Variants in PCDH11Y observed in about 807,000 individuals in gnomAD.
PCDH11Y encodes the protein protocadherin-11 Y-linked.
For synonymous variants in PCDH11Y, 9 were observed against 83.6 expected (o/e 0.11, Z 4.87); for missense variants, 12 against 224.8 (o/e 0.05, Z 6.05).
intron 1 of PCDH11Y, among the ~76,000 whole-genome samples, chrY:5,069,466 A>G: frequency 1.2e-4 from 4 of 33,274 alleles, no homozygotes; most frequent in Non-Finnish European, 2.2e-4. Flanking sequence ...TTTTCTACAC[A>G]TATTTCCCTA....
intron 3 of PCDH11Y, among the ~76,000 whole-genome samples, chrY:5,532,339 T>G: frequency 3.3e-5 from 1 of 30,537 alleles, no homozygotes; most frequent in Admixed American, 3.0e-4. Flanking sequence ...ATTAATATAG[T>G]CATTTCAACT....
chrY:5,337,740 G>A, intron 2 of PCDH11Y: 1 of 366,545 alleles, frequency 2.7e-6, no homozygotes, highest in Non-Finnish European at 3.7e-6. Context: ...CGGCAGGACA[G>A]CCCCTCAGAT....
intron 3 of PCDH11Y, among the ~76,000 whole-genome samples, chrY:5,043,448 C>G: frequency 3.0e-5 from 1 of 33,362 alleles, no homozygotes; most frequent in Non-Finnish European, 7.4e-5. Context: ...GCCTTGCATC[C>G]TAGGGATGAA....
At chrY:5,730,152 T>C in intron 4 of PCDH11Y, among the ~76,000 whole-genome samples, 1 of 32,944 alleles carries the variant, frequency 3.0e-5, no homozygotes, top group Non-Finnish European at 7.5e-5. Flanking sequence ...TTTTTTCAAA[T>C]TCTGGAAAAA....
intron 2 of PCDH11Y, among the ~76,000 whole-genome samples, chrY:5,241,983 C>G: frequency 3.3e-5 from 1 of 30,068 alleles, no homozygotes; most frequent in African/African-American, 1.3e-4. Context: ...GGCACGGTGG[C>G]TCACCCCTGT....
chrY:5,320,660 G>A (rs1602903914), intron 2 of PCDH11Y, among the ~76,000 whole-genome samples: 1 of 33,616 alleles, frequency 3.0e-5, no homozygotes, highest in East Asian at 7.9e-4. Context: ...GGGCATCAAA[G>A]ACACGATGTT....
intron 2 of PCDH11Y, among the ~76,000 whole-genome samples, chrY:5,290,350 A>G: frequency 3.4e-5 from 1 of 29,430 alleles, no homozygotes; most frequent in Non-Finnish European, 8.1e-5. Flanking sequence ...CTGATTATGA[A>G]TCTCTTGTCA....
chrY:5,177,883 T>C, intron 2 of PCDH11Y, among the ~76,000 whole-genome samples: 1 of 33,066 alleles, frequency 3.0e-5, no homozygotes, highest in African/African-American at 1.2e-4. Flanking sequence ...GGATAAATGC[T>C]TGGAAGGATG....
upstream of PCDH11Y, chrY:5,055,947 C>G (rs2124627776): frequency 3.3e-5 from 1 of 30,577 alleles, no homozygotes; most frequent in East Asian, 8.7e-4. Context: ...ATGTGAAAAC[C>G]CATTTTTATA....
At chrY:5,001,868 A>C in intron 1 of PCDH11Y, among the ~76,000 whole-genome samples, 1 of 33,417 alleles carries the variant, frequency 3.0e-5, no homozygotes, top group East Asian at 8.2e-4. Flanking sequence ...CTTCAGAATG[A>C]TTTATTCCGC....
At chrY:5,367,696 C>G (rs2053182480) in intron 2 of PCDH11Y, among the ~76,000 whole-genome samples, 1 of 27,705 alleles carries the variant, frequency 3.6e-5, no homozygotes, top group Non-Finnish European at 8.4e-5. Flanking sequence ...TGGTTCTAAT[C>G]TTTATTGAAA....
intron 3 of PCDH11Y, among the ~76,000 whole-genome samples, chrY:5,575,262 G>C: frequency 6.3e-5 from 2 of 31,513 alleles, no homozygotes; most frequent in African/African-American, 2.5e-4. Context: ...CCACAGAAGG[G>C]GGGGAAATAT....
At position 5,205,688 on chromosome Y, in the gene PCDH11Y, C is replaced by A. The variant is rs1488084875; in HGVS notation, c.3129+104981C>A. Among the ~76,000 whole-genome samples the A allele has an allele frequency of 2.4e-4, 6 of 24,583 alleles. No individual in the cohort carries two copies. In the East Asian group the frequency reaches 6.2e-3, roughly 25 times the overall value. The allele number at this position is 24,583 out of a possible 37,273, so 66.0% of individuals were successfully genotyped here. A position where few individuals can be genotyped will look rare whatever the true frequency, so the allele number is the denominator to read the frequency against. On this transcript the variant is annotated intron_variant, in intron 2 of 4. Transcript: ENST00000400457. ...TATATATATATATATATATAGTGAGCAAGATTTGTTCTCATTCCTCAAGAA... is the reference window on the plus strand; with the variant it reads ...TATATATATATATATATATAGTGAGAAAGATTTGTTCTCATTCCTCAAGAA...
At chrY:5,042,639 C>A in intron 3 of PCDH11Y, among the ~76,000 whole-genome samples, 1 of 12,297 alleles carries the variant, frequency 8.1e-5, no homozygotes, top group Non-Finnish European at 1.7e-4. Flanking sequence ...TTTTCCAATT[C>A]TGTGAAGAAA....
At chrY:5,735,522 G>C (rs2053608608) in intron 4 of PCDH11Y, among the ~76,000 whole-genome samples, 1 of 32,137 alleles carries the variant, frequency 3.1e-5, no homozygotes, top group South Asian at 7.1e-4. Context: ...TCAGACCTTT[G>C]TTGAAAATCA....
chrY:5,406,972 C>G, intron 2 of PCDH11Y, among the ~76,000 whole-genome samples: 1 of 32,969 alleles, frequency 3.0e-5, no homozygotes, highest in Non-Finnish European at 7.4e-5. Context: ...CCACTGCACA[C>G]CTCCCTGCCA....
intron 2 of PCDH11Y, among the ~76,000 whole-genome samples, chrY:5,331,030 C>T: frequency 3.0e-5 from 1 of 33,021 alleles, no homozygotes; most frequent in Non-Finnish European, 7.4e-5. Flanking sequence ...TTGTGCAACT[C>T]CAGACACTTT....
intron 4 of PCDH11Y, among the ~76,000 whole-genome samples, chrY:5,614,636 C>T (rs2124701383): frequency 3.2e-5 from 1 of 31,517 alleles, no homozygotes; most frequent in East Asian, 8.4e-4. Flanking sequence ...CATTTCTCCT[C>T]CTTGAGGTAG....
intron 2 of PCDH11Y, among the ~76,000 whole-genome samples, chrY:5,199,916 C>T: frequency 3.0e-5 from 1 of 33,090 alleles, no homozygotes; most frequent in South Asian, 6.8e-4. Flanking sequence ...CAGTTTTGGA[C>T]GTCTTAATCT....
Sources: allele counts gnomAD v4.1 joint callset (sites outside exome capture counted in the v4.1 genomes callset), GRCh38; gene constraint gnomAD v4.1.1; transcripts MANE v1.5; gene names NCBI Gene and HGNC (gene_info 2026-07-23, HGNC 2026-07-21).